ASCC2: variants seen among roughly 807,000 people sequenced by gnomAD.
The protein encoded by ASCC2 is ASC-1 complex subunit P100.
ASCC2 carries 42 observed loss-of-function variants against 93.5 expected under a neutral mutation model. The ratio of observed to expected loss-of-function variants is 0.45; its 90% confidence interval spans 0.35 to 0.58. ASCC2 has a LOEUF of 0.58. Among genes scored for constraint, ASCC2 ranks in the 20% least tolerant of loss-of-function variants. The pLI, the probability that ASCC2 is intolerant of heterozygous loss-of-function variation, is 0.00. For missense variants in ASCC2, 859 were observed against 977.6 expected, an observed-to-expected ratio of 0.88 and a Z score of 1.62; for synonymous variants, 364 against 384.2, an observed-to-expected ratio of 0.95 and a Z score of 0.62.
chr22:29,795,028 G>A (rs1285461577), intron 15 of ASCC2, among the ~76,000 whole-genome samples: 10 of 151,714 alleles, frequency 6.6e-5, no homozygotes, highest in Admixed American at 4.6e-4. Context: ...GGGCTCAAGC[G>A]ATTCTCGTGC....
At chr22:29,816,738 A>C (rs1389605917) in intron 5 of ASCC2, 3 of 144,432 alleles carry the variant, frequency 2.1e-5, no homozygotes, top group Non-Finnish European at 4.6e-5. Flanking sequence ...AGGTTCGAGC[A>C]TATGGTAACT....
chr22:29,796,957 G>A (rs1391855457), intron 15 of ASCC2, among the ~76,000 whole-genome samples: 3 of 152,244 alleles, frequency 2.0e-5, no homozygotes, highest in African/African-American at 4.8e-5. Flanking sequence ...TGGCTCCCTG[G>A]CAGGGCCAGG....
chr22:29,829,825 A>G (rs946074979), intron 2 of ASCC2, among the ~76,000 whole-genome samples: 3 of 152,102 alleles, frequency 2.0e-5, no homozygotes, highest in African/African-American at 7.2e-5. Flanking sequence ...GCCTGGCCAC[A>G]AGACTATTTC....
intron 15 of ASCC2, among the ~76,000 whole-genome samples, chr22:29,799,896 T>C (rs140263487): frequency 1.3e-5 from 2 of 152,328 alleles, no homozygotes; most frequent in African/African-American, 4.8e-5. Context: ...TAAGTGATCT[T>C]ACTGCCTCAG....
At chr22:29,817,767 T>A (rs1415964480) in intron 5 of ASCC2, among the ~76,000 whole-genome samples, 1 of 152,222 alleles carries the variant, frequency 6.6e-6, no homozygotes, top group African/African-American at 2.4e-5. Context: ...CATCTGATTC[T>A]AATGACAGTG....
In ASCC2 at chr22:29,796,114, CT is replaced by C. The variant is rs796176155; in HGVS notation, c.1689-2439del. ...GGCTAGGGTTTGCCTCCCTTCACAT[CT>C]TTTTTTTTTTTGAGACGGACTCTTG... On this transcript the variant is annotated intron_variant, in intron 15 of 19. Transcript: ENST00000307790. Among the ~76,000 whole-genome samples, 200 of 144,214 alleles carry C rather than the reference CT, an allele frequency of 1.4e-3. No homozygotes were observed. The South Asian group carries it at 0.017, about 12-fold the overall frequency. The allele number at this position is 144,214 out of a possible 152,430, so 94.6% of individuals were successfully genotyped here.
At chr22:29,798,037 G>A (rs2058641583) in intron 15 of ASCC2, among the ~76,000 whole-genome samples, 1 of 152,162 alleles carries the variant, frequency 6.6e-6, no homozygotes, top group African/African-American at 2.4e-5. Flanking sequence ...AAAGTGCAGG[G>A]ATTACAGCCA....
intron 8 of ASCC2, 64 bp from the exon 9 acceptor site, chr22:29,808,249 T>G: frequency 2.0e-6 from 3 of 1,533,940 alleles, no homozygotes; most frequent in Non-Finnish European, 2.7e-6. Context: ...CATAAGAACA[T>G]CAAAGCAAAC....
At chr22:29,800,869 G>T in intron 15 of ASCC2, 122 bp downstream of exon 15, 1 of 1,271,394 alleles carries the variant, frequency 7.9e-7, no homozygotes, top group Non-Finnish European at 1.1e-6. Flanking sequence ...CTAGGGTTGT[G>T]AAGGGATCCC....
intron 7 of ASCC2, 27 bp from the exon 8 acceptor site, chr22:29,813,569 A>T (rs754647815): frequency 3.4e-6 from 5 of 1,453,130 alleles, no homozygotes; most frequent in Non-Finnish European, 9.7e-7. Context: ...ACACTGCATT[A>T]TTCTCCTCTG....
At chr22:29,803,732 A>G (rs2059362068) in intron 13 of ASCC2, among the ~76,000 whole-genome samples, 1 of 152,238 alleles carries the variant, frequency 6.6e-6, no homozygotes, top group African/African-American at 2.4e-5. Flanking sequence ...AAATTTACAG[A>G]TCACAACAAT....
At chr22:29,826,925 G>A (rs986407245) in intron 2 of ASCC2, among the ~76,000 whole-genome samples, 2 of 151,492 alleles carry the variant, frequency 1.3e-5, no homozygotes, top group Non-Finnish European at 2.9e-5. Flanking sequence ...GTGAAACCCC[G>A]TCTCTACTAA....
chr22:29,831,428 G>A (rs1246774211), intron 2 of ASCC2, among the ~76,000 whole-genome samples: 7 of 152,176 alleles, frequency 4.6e-5, no homozygotes, highest in Non-Finnish European at 8.8e-5. Context: ...GAGATAATCC[G>A]GGTGAAGTGT....
intron 5 of ASCC2, among the ~76,000 whole-genome samples, chr22:29,820,642 G>GA (rs200587067): frequency 4.7e-5 from 7 of 149,156 alleles, no homozygotes; most frequent in Non-Finnish European, 8.9e-5. Flanking sequence ...TTACCATTAA[G>GA]AAAAAAAAAG....
chr22:29,836,596 T>A (rs553952825), intron 1 of ASCC2: 1 of 152,098 alleles, frequency 6.6e-6, no homozygotes, highest in African/African-American at 2.4e-5. Flanking sequence ...AGTCTCACTC[T>A]GTCACCCAGG....
rs1463705943 is a variant in ASCC2 at position 29,806,214 on chromosome 22, A to G, written c.1160+2T>C. ...TCGTAGTGGGCTATGGTAGAAGGATACAAGACTGATGAGGCCTGCTGCAGC... is the reference window on the plus strand; with the variant it reads ...TCGTAGTGGGCTATGGTAGAAGGATGCAAGACTGATGAGGCCTGCTGCAGC... On this transcript the variant is annotated splice_donor_variant, in intron 12 of 19. Coordinates refer to ENST00000307790, the MANE Select transcript of ASCC2 (RefSeq NM_032204.5). LOFTEE classifies it high-confidence loss of function. The G allele has an allele frequency of 1.5e-5, 24 of 1,613,920 alleles. No individual in the cohort carries two copies. The highest frequency in any genetic ancestry group is 2.0e-5 in the Non-Finnish European group (24 of 1,179,928).
chr22:29,828,198 G>A (rs1448760768), intron 2 of ASCC2, among the ~76,000 whole-genome samples: 3 of 152,170 alleles, frequency 2.0e-5, no homozygotes, highest in Admixed American at 6.5e-5. Flanking sequence ...ACTTCAAATG[G>A]AAGAAACATT....
At chr22:29,796,523 G>A (rs1012190453) in intron 15 of ASCC2, among the ~76,000 whole-genome samples, 3 of 152,134 alleles carry the variant, frequency 2.0e-5, no homozygotes, top group East Asian at 1.9e-4. Flanking sequence ...GAGGCTCCAC[G>A]GTAGGGGGTT....
intron 8 of ASCC2, among the ~76,000 whole-genome samples, chr22:29,808,500 T>C (rs1459874729): frequency 2.6e-5 from 4 of 152,126 alleles, no homozygotes; most frequent in African/African-American, 7.2e-5. Flanking sequence ...AGATCCAAGA[T>C]TACTTGCTTG....
Sources: allele counts gnomAD v4.1 joint callset (sites outside exome capture counted in the v4.1 genomes callset), GRCh38; gene constraint gnomAD v4.1.1; transcripts MANE v1.5; gene names NCBI Gene and HGNC (gene_info 2026-07-23, HGNC 2026-07-21).